PXMP4: variants seen among roughly 807,000 people sequenced by gnomAD.
PXMP4 encodes the protein 24 kDa peroxisomal intrinsic membrane protein.
PXMP4 carries 16 observed loss-of-function variants against 21.6 expected under a neutral mutation model. That is an observed-to-expected ratio of 0.74 (90% confidence interval 0.50 to 1.13). The LOEUF (loss-of-function observed/expected upper bound fraction) is 1.13. PXMP4 is among the 50% of genes most tolerant of loss of function. The probability of loss-of-function intolerance (pLI) is 0.00; values close to 1 mark genes in which losing one functional copy is unlikely to be tolerated. For missense variants in PXMP4, 240 were observed against 277.7 expected (o/e 0.86, Z 0.96); for synonymous variants, 127 against 123.8 (o/e 1.03, Z -0.17).
intron 2 of PXMP4, among the ~76,000 whole-genome samples, chr20:33,711,520 C>T (rs1344626281): frequency 6.6e-6 from 1 of 152,058 alleles, no homozygotes; most frequent in Non-Finnish European, 1.5e-5. Context: ...TGAGTTTGGT[C>T]TTTATCCTGA....
chr20:33,703,777 C>T lies in PXMP4; in HGVS notation c.*3929G>A, dbSNP rs1413414976. ...TATCAGTCATTGGTTGAAGGTTGCT[C>T]CAAGGATGTGTTCATTCTCCAGCCC... is the stretch of plus-strand genomic sequence containing the variant. On this transcript the variant is annotated 3_prime_UTR_variant, in exon 4 of 4. Transcript: ENST00000409299. The T allele has an allele frequency of 6.6e-6, 1 of 152,326 alleles. No homozygotes were observed. Among genetic ancestry groups the T allele is most frequent in the African/African-American group, 2.4e-5 (1 of 41,448 alleles). The allele number at this position is 152,326 out of a possible 1,614,324, so 9.4% of individuals were successfully genotyped here.
At position 33,704,990 on chromosome 20, in the gene PXMP4, G is replaced by GTTTTTTTTTTT. The variant is rs869175381; in HGVS notation, c.*2705_*2715dup. ...ACTTGTTTGATTTGTCCAGGATTGTGTTTTTTTTTTTTTTTTTTTTTTTGA... is the reference window on the plus strand; with the variant it reads ...ACTTGTTTGATTTGTCCAGGATTGTGTTTTTTTTTTTTTTTTTTTTTTTTTTTTTTTTTTGA... On this transcript the variant is annotated 3_prime_UTR_variant, in exon 4 of 4. Transcript: ENST00000409299. 2.8e-5 allele frequency: 3 copies of GTTTTTTTTTTT among 105,374 alleles called. No homozygotes were observed. The highest frequency in any genetic ancestry group is 4.0e-5 in the African/African-American group (1 of 24,702). The allele number at this position is 105,374 out of a possible 1,614,324, so 6.5% of individuals were successfully genotyped here. A position where few individuals can be genotyped will look rare whatever the true frequency, so the allele number is the denominator to read the frequency against.
chr20:33,717,658 A>AAAAAT (rs1555866644), intron 1 of PXMP4, among the ~76,000 whole-genome samples: 21,515 of 134,588 alleles, frequency 0.16, 2,324 homozygotes, highest in Admixed American at 0.23. Context: ...AAAAAAAAAA[A>AAAAAT]TTATTAAATA....
At position 33,712,683 on chromosome 20, in the gene PXMP4, C is replaced by T. The variant is rs568438650; in HGVS notation, c.177-1930G>A. On this transcript the variant is annotated intron_variant, in intron 2 of 3. Coordinates refer to ENST00000409299, the MANE Select transcript of PXMP4 (RefSeq NM_007238.5). ...TCACTCTGTGTGGCCCAGGCTGGAG[C>T]GCAGTAGCGCAATCTCGGCTCACTG... Among the ~76,000 whole-genome samples, 14 of 152,220 alleles carry T rather than the reference C, an allele frequency of 9.2e-5. No individual in the cohort carries two copies. In the South Asian group the frequency reaches 1.2e-3, roughly 14 times the overall value.
At chr20:33,708,035 T>G in intron 3 of PXMP4, 66 bp from the exon 4 acceptor site, 1 of 1,510,034 alleles carries the variant, frequency 6.6e-7, no homozygotes, top group Non-Finnish European at 8.9e-7. Flanking sequence ...GTTTTTGATA[T>G]TAATAATTTG....
Position 33,707,640 on chromosome 20 carries a change from A to G in PXMP4, c.*66T>C. ...CTGAGGCCTATGATCTTGAGAAGGCAGTATCCTTTGGGAGGGTCTGCATGG... is the reference window on the plus strand; with the variant it reads ...CTGAGGCCTATGATCTTGAGAAGGCGGTATCCTTTGGGAGGGTCTGCATGG... On this transcript the variant is annotated 3_prime_UTR_variant, in exon 4 of 4. Transcript: ENST00000409299. The G allele has an allele frequency of 6.4e-7, 1 of 1,562,998 alleles. No individual in the cohort carries two copies. Among genetic ancestry groups the G allele is most frequent in the East Asian group, 2.3e-5 (1 of 44,198 alleles).
At chr20:33,713,165 G>T (rs1034233786) in intron 2 of PXMP4, among the ~76,000 whole-genome samples, 7 of 152,186 alleles carry the variant, frequency 4.6e-5, no homozygotes, top group African/African-American at 1.4e-4. Flanking sequence ...TAAAGGAAAA[G>T]CCAAATTCCT....
chr20:33,718,789 C>T (rs1462335127), intron 1 of PXMP4, among the ~76,000 whole-genome samples: 2 of 152,216 alleles, frequency 1.3e-5, no homozygotes, highest in African/African-American at 4.8e-5. Context: ...CAATTCTGAT[C>T]TTGCACACTT....
At position 33,702,884 on chromosome 20, in the gene PXMP4, T is replaced by C. The variant is rs2018218762; in HGVS notation, c.*4822A>G. 1 of 152,178 alleles carries C rather than the reference T, an allele frequency of 6.6e-6. No homozygotes were observed. Among genetic ancestry groups the C allele is most frequent in the Admixed American group, 6.5e-5 (1 of 15,272 alleles). The allele number at this position is 152,178 out of a possible 1,614,324, so 9.4% of individuals were successfully genotyped here. A position where few individuals can be genotyped will look rare whatever the true frequency, so the allele number is the denominator to read the frequency against. ...ACTAGCATTTAGGAAGCATAGCACTTACTGTGCAACAAGAGCCCTCTGGCC... is the reference window on the plus strand; with the variant it reads ...ACTAGCATTTAGGAAGCATAGCACTCACTGTGCAACAAGAGCCCTCTGGCC... On this transcript the variant is annotated 3_prime_UTR_variant, in exon 4 of 4. Transcript: ENST00000409299.
intron 3 of PXMP4, among the ~76,000 whole-genome samples, chr20:33,708,543 A>G (rs2018288802): frequency 7.1e-6 from 1 of 141,636 alleles, no homozygotes. Flanking sequence ...GATGTAGTTA[A>G]AAAAAAAAAA....
intron 1 of PXMP4, among the ~76,000 whole-genome samples, chr20:33,716,374 T>C (rs1410688304): frequency 6.6e-6 from 1 of 152,196 alleles, no homozygotes; most frequent in Non-Finnish European, 1.5e-5. Flanking sequence ...GGTTCTTCTC[T>C]GCTCCTGGCT....
chr20:33,705,969 A>G lies in PXMP4; in HGVS notation c.*1737T>C, dbSNP rs1045689468. On this transcript the variant is annotated 3_prime_UTR_variant, in exon 4 of 4. Coordinates refer to ENST00000409299, the MANE Select transcript of PXMP4 (RefSeq NM_007238.5). ...TAGACACAGTCTCGCTCTGTGGCCC[A>G]GGCTGGAGTGCAGTCGTGCGATCTC... 4 of 151,654 alleles carry G rather than the reference A, an allele frequency of 2.6e-5. No individual in the cohort carries two copies. Among genetic ancestry groups the G allele is most frequent in the African/African-American group, 9.7e-5 (4 of 41,244 alleles). The allele number at this position is 151,654 out of a possible 1,614,324, so 9.4% of individuals were successfully genotyped here.
intron 3 of PXMP4, among the ~76,000 whole-genome samples, chr20:33,708,541 TAAAA>T (rs568305645): frequency 7.7e-4 from 108 of 139,558 alleles, no homozygotes; most frequent in Admixed American, 2.7e-3. Context: ...TGGATGTAGT[TAAAA>T]AAAAAAAAAA....
At chr20:33,708,630 A>G (rs1422809135) in intron 3 of PXMP4, among the ~76,000 whole-genome samples, 1 of 151,272 alleles carries the variant, frequency 6.6e-6, no homozygotes, top group Non-Finnish European at 1.5e-5. Flanking sequence ...TCCTCAGCCT[A>G]CCAAAGTGCT....
Position 33,703,362 on chromosome 20 carries a change from A to C in PXMP4, c.*4344T>G, listed in dbSNP as rs554924360. 2.6e-5 allele frequency: 4 copies of C among 152,282 alleles called. No individual in the cohort carries two copies. Among genetic ancestry groups the C allele is most frequent in the Non-Finnish European group, 5.9e-5 (4 of 68,058 alleles). The allele number at this position is 152,282 out of a possible 1,614,324, so 9.4% of individuals were successfully genotyped here. Reference sequence around the variant, plus strand: ...CACTCGATGAGGTGTGTGCTACGACAACGCCTACTTTATCAATGAGGAAAT... The same window carrying C: ...CACTCGATGAGGTGTGTGCTACGACCACGCCTACTTTATCAATGAGGAAAT... On this transcript the variant is annotated 3_prime_UTR_variant, in exon 4 of 4. Coordinates refer to ENST00000409299, the MANE Select transcript of PXMP4 (RefSeq NM_007238.5).
Position 33,707,889 on chromosome 20 carries a change from C to T in PXMP4, c.456G>A (p.Arg152=). Residue 152 remains arginine, a synonymous_variant, in exon 4 of 4, where the codon AGG becomes AGA. Transcript: ENST00000409299. ...AVEKGYIPEP[R]WDPFPLLTAV... ...CAGTGAGCAGCGGGAACGGGTCCCA[C>T]CTGGGTTCAGGGATGTAGCCCTTCT... 1.2e-6 allele frequency: 2 copies of T among 1,614,196 alleles called. No individual in the cohort carries two copies. Among genetic ancestry groups the T allele is most frequent in the Non-Finnish European group, 1.7e-6 (2 of 1,180,040 alleles).
In PXMP4 at chr20:33,710,664, C is replaced by T. The variant is rs750176178; in HGVS notation, c.266G>A (p.Arg89His). 61 of 1,613,864 alleles carry T rather than the reference C, an allele frequency of 3.8e-5. No individual in the cohort carries two copies. The highest frequency in any genetic ancestry group is 8.9e-5 in the East Asian group (4 of 44,870). ...ARFVFTYKGL[R>H]ALQSYIQGKT... ...GCCTTGTATGTAGGACTGCAGGGCA[C>T]GGAGACCCTTGTAGGTGAACACAAA... Residue 89 changes from arginine (R) to histidine (H), a missense_variant, in exon 3 of 4, where the codon CGT becomes CAT. Transcript: ENST00000409299.
Position 33,706,078 on chromosome 20 carries a change from A to G in PXMP4, c.*1628T>C, listed in dbSNP as rs1248991084. 2 of 151,934 alleles carry G rather than the reference A, an allele frequency of 1.3e-5. No individual in the cohort carries two copies. Among genetic ancestry groups the G allele is most frequent in the Admixed American group, 1.3e-4 (2 of 15,252 alleles). 9.4% of individuals were successfully genotyped at this position (151,934 alleles called of 1,614,324 possible). On this transcript the variant is annotated 3_prime_UTR_variant, in exon 4 of 4. Transcript: ENST00000409299. Reference sequence around the variant, plus strand: ...GTAGCTGGGATTACAGGGACGTGCCACCATGCCTGGCTAATTTTTGTATTT... The same window carrying G: ...GTAGCTGGGATTACAGGGACGTGCCGCCATGCCTGGCTAATTTTTGTATTT...
At chr20:33,713,871 C>A (rs2122588097) in intron 2 of PXMP4, among the ~76,000 whole-genome samples, 1 of 152,258 alleles carries the variant, frequency 6.6e-6, no homozygotes, top group Non-Finnish European at 1.5e-5. Flanking sequence ...TGAGAAGTGC[C>A]TTGAGGGAAG....
Sources: gnomAD v4.1 joint callset for allele counts (sites outside exome capture counted in the v4.1 genomes callset) on GRCh38, gnomAD v4.1.1 for gene constraint, MANE v1.5 for transcripts, NCBI Gene and HGNC (gene_info 2026-07-23, HGNC 2026-07-21) for gene names.